Variants in DPYSL3 observed in about 807,000 individuals in gnomAD.
DPYSL3 encodes dihydropyrimidinase-related protein 3.
A neutral mutation model predicts 66.1 loss-of-function variants in DPYSL3; 16 were observed. The ratio of observed to expected loss-of-function variants is 0.24; its 90% CI spans 0.16 to 0.37. DPYSL3 has a LOEUF of 0.37. Among genes scored for constraint, DPYSL3 ranks in the 10% least tolerant of loss-of-function variants. DPYSL3 has a pLI of 1.00. For synonymous variants in DPYSL3, 338 were observed against 345.1 expected (o/e 0.98, Z 0.23); for missense variants, 738 against 916.2 (o/e 0.81, Z 2.51).
chr5:147,489,732 T>A (rs1202691983), intron 1 of DPYSL3, among the ~76,000 whole-genome samples: 2 of 145,542 alleles, frequency 1.4e-5, no homozygotes, highest in African/African-American at 2.5e-5. Context: ...TTTCCTTTTA[T>A]GTTTTTTTTT....
At chr5:147,442,933 GT>G in intron 1 of DPYSL3, among the ~76,000 whole-genome samples, 1 of 151,862 alleles carries the variant, frequency 6.6e-6, no homozygotes, top group East Asian at 1.9e-4. Context: ...TGTCCTTATT[GT>G]TTGTGATTTT....
intron 1 of DPYSL3, among the ~76,000 whole-genome samples, chr5:147,483,554 G>A (rs1198870325): frequency 6.6e-6 from 1 of 152,196 alleles, no homozygotes; most frequent in Non-Finnish European, 1.5e-5. Flanking sequence ...TTTTGAATGA[G>A]TTACTCAGAC....
chr5:147,459,618 A>G (rs1752903202), intron 1 of DPYSL3, among the ~76,000 whole-genome samples: 1 of 152,204 alleles, frequency 6.6e-6, no homozygotes, highest in Non-Finnish European at 1.5e-5. Flanking sequence ...AAAAAATTAC[A>G]GCCACAGAAA....
chr5:147,440,578 A>T (rs918195211), intron 1 of DPYSL3, among the ~76,000 whole-genome samples: 1 of 152,150 alleles, frequency 6.6e-6, no homozygotes, highest in Non-Finnish European at 1.5e-5. Flanking sequence ...TTAATTCTTC[A>T]TTATGTGTAG....
At chr5:147,425,369 T>C (rs1209932387) in intron 1 of DPYSL3, among the ~76,000 whole-genome samples, 1 of 152,202 alleles carries the variant, frequency 6.6e-6, no homozygotes, top group Non-Finnish European at 1.5e-5. Context: ...TTCTCAAAAA[T>C]AGAACTTATG....
Position 147,509,841 on chromosome 5 carries a change from C to T in DPYSL3, c.18G>A (p.Arg6=), listed in dbSNP as rs1224841890. 1.3e-6 allele frequency: 2 copies of T among 1,530,242 alleles called. No individual in the cohort carries two copies. Among genetic ancestry groups the T allele is most frequent in the Admixed American group, 3.9e-5 (2 of 50,740 alleles). 94.8% of individuals were successfully genotyped at this position (1,530,242 alleles called of 1,614,324 possible). The change falls in exon 1 of 14, where the codon AGG becomes AGA. Residue 6 remains arginine, a synonymous_variant. Transcript: ENST00000343218. This position sits in a 1 kb window ranked among gnomAD's most constrained non-coding sequence, Gnocchi z 5.3. ...CGTCTTCGTGGGAGCTGTCCCAGCC[C>T]CTCCGGCCCGAGGCCATGGTTCAAG... The part of the protein sequence containing the change: MASGR[R]GWDSSHEDDL...
At position 147,397,853 on chromosome 5, in the gene DPYSL3, C is replaced by T. The variant is rs751930466; in HGVS notation, c.1624-8G>A. On this transcript the variant is annotated splice_region_variant and splice_polypyrimidine_tract_variant and intron_variant, in intron 11 of 13. Coordinates refer to ENST00000343218, the MANE Select transcript of DPYSL3 (RefSeq NM_001197294.2). ...GATGTTGTACTCTGCCGCCTAGAGGCAGGGGTGAGAAGCAAAGCCACAGTA... is the reference window on the plus strand; with the variant it reads ...GATGTTGTACTCTGCCGCCTAGAGGTAGGGGTGAGAAGCAAAGCCACAGTA... The T allele has an allele frequency of 8.8e-6, 14 of 1,592,958 alleles. No homozygotes were observed. The South Asian group carries it at 1.2e-4, about 14-fold the overall frequency.
At chr5:147,492,882 T>G (rs182764905) in intron 1 of DPYSL3, among the ~76,000 whole-genome samples, 92 of 152,220 alleles carry the variant, frequency 6.0e-4, no homozygotes, top group Non-Finnish European at 1.1e-3. Context: ...ATACACCAGT[T>G]AAAAGACAGA....
At chr5:147,416,716 C>T (rs934427277) in intron 3 of DPYSL3, among the ~76,000 whole-genome samples, 6 of 152,116 alleles carry the variant, frequency 3.9e-5, no homozygotes, top group South Asian at 2.1e-4. Context: ...CCCACACCTA[C>T]GAATTATTCC....
chr5:147,438,521 A>C (rs935509025), intron 1 of DPYSL3, among the ~76,000 whole-genome samples: 1 of 152,198 alleles, frequency 6.6e-6, no homozygotes, highest in Non-Finnish European at 1.5e-5. Context: ...ACCGCTTACT[A>C]TCGGCAAAGA....
chr5:147,423,050 G>A (rs1752116347), intron 2 of DPYSL3, among the ~76,000 whole-genome samples: 1 of 152,176 alleles, frequency 6.6e-6, no homozygotes, highest in Admixed American at 6.5e-5. Context: ...TGCCTATGAT[G>A]AGCTCTGAAA....
Position 147,509,389 on chromosome 5 carries a change from G to C in DPYSL3, c.381+89C>G. ...CTTGTCCCCCAGCCCCGTGCAAAGT[G>C]AGCTGGAGAAAGTTGTGCCCGGGCC... On this transcript the variant is annotated intron_variant, in intron 1 of 13. Coordinates refer to ENST00000343218, the MANE Select transcript of DPYSL3 (RefSeq NM_001197294.2). This position sits in a 1 kb window ranked among gnomAD's most constrained non-coding sequence, Gnocchi z 5.3. The C allele has an allele frequency of 7.0e-7, 1 of 1,424,188 alleles. No individual in the cohort carries two copies. The highest frequency in any genetic ancestry group is 9.2e-7 in the Non-Finnish European group (1 of 1,087,072). 88.2% of individuals were successfully genotyped at this position (1,424,188 alleles called of 1,614,324 possible).
At chr5:147,437,999 G>T (rs1184131244) in intron 1 of DPYSL3, among the ~76,000 whole-genome samples, 1 of 151,964 alleles carries the variant, frequency 6.6e-6, no homozygotes, top group East Asian at 1.9e-4. Context: ...TTTTTAGGTT[G>T]GTTTGATTCA....
intron 1 of DPYSL3, among the ~76,000 whole-genome samples, chr5:147,487,268 T>C (rs1305936591): frequency 6.6e-6 from 1 of 152,216 alleles, no homozygotes; most frequent in Non-Finnish European, 1.5e-5. Flanking sequence ...TGCCTCCATT[T>C]CATAAATTTG....
intron 1 of DPYSL3, among the ~76,000 whole-genome samples, chr5:147,479,033 C>T (rs368665044): frequency 9.9e-5 from 15 of 151,940 alleles, no homozygotes; most frequent in South Asian, 8.3e-4. Context: ...GGAATGTATA[C>T]ATTAATAAAT....
intron 1 of DPYSL3, among the ~76,000 whole-genome samples, chr5:147,453,297 G>GATAAATA (rs1439185109): frequency 1.4e-4 from 21 of 152,198 alleles, no homozygotes; most frequent in Admixed American, 1.4e-3. Flanking sequence ...GGGAAGGGAG[G>GATAAATA]ATAAATAATC....
intron 1 of DPYSL3, among the ~76,000 whole-genome samples, chr5:147,497,830 C>G (rs1268196700): frequency 1.3e-5 from 2 of 152,076 alleles, no homozygotes; most frequent in Non-Finnish European, 2.9e-5. Context: ...AGCTTTCCTA[C>G]TAAGATTAGA....
intron 8 of DPYSL3, 168 bp from the exon 9 acceptor site, chr5:147,401,864 G>T: frequency 1.4e-6 from 1 of 692,380 alleles, no homozygotes; most frequent in Non-Finnish European, 2.2e-6. Context: ...TTTCCTATCT[G>T]CTAAATGTGA....
intron 9 of DPYSL3, 104 bp from the exon 10 acceptor site, chr5:147,400,937 G>C (rs1481914365): frequency 4.9e-6 from 7 of 1,440,296 alleles, no homozygotes; most frequent in Non-Finnish European, 6.4e-6. Context: ...CTGACTATTT[G>C]GGTTTGGAAT....
Sources: allele counts gnomAD v4.1 joint callset (sites outside exome capture counted in the v4.1 genomes callset), GRCh38; gene constraint gnomAD v4.1.1; non-coding constraint Gnocchi (gnomAD v3.1); transcripts MANE v1.5; gene names NCBI Gene and HGNC (gene_info 2026-07-23, HGNC 2026-07-21).